TBX5: variants seen among roughly 807,000 people sequenced by gnomAD.
TBX5 encodes the protein T-box transcription factor 5.
Under a neutral mutation model 51.1 loss-of-function variants are expected in TBX5, and 8 were observed. The ratio of observed to expected loss-of-function variants is 0.16; its 90% CI spans 0.09 to 0.28. The LOEUF (loss-of-function observed/expected upper bound fraction) is 0.28. Ranked by LOEUF, TBX5 falls within the 10% of genes least tolerant of loss-of-function variation. TBX5 has a pLI of 1.00. For synonymous variants in TBX5, 302 were observed against 266.4 expected, an observed-to-expected ratio of 1.13 and a Z score of -1.30; for missense variants, 589 against 671.7, an observed-to-expected ratio of 0.88 and a Z score of 1.36.
chr12:114,407,111 G>A, upstream of TBX5: 1 of 985,396 alleles, frequency 1.0e-6, no homozygotes, highest in Non-Finnish European at 1.2e-6. Flanking sequence ...GTCAGCAGCT[G>A]TGTAACCCTC....
chr12:114,378,390 G>C (rs1565932303), intron 7 of TBX5, among the ~76,000 whole-genome samples: 1 of 152,166 alleles, frequency 6.6e-6, no homozygotes, highest in Non-Finnish European at 1.5e-5. Context: ...CAGCCAGGCA[G>C]GCCCCTTCAT....
intron 7 of TBX5, among the ~76,000 whole-genome samples, chr12:114,384,926 C>T (rs1019703718): frequency 3.3e-5 from 5 of 152,076 alleles, no homozygotes; most frequent in African/African-American, 4.8e-5. Flanking sequence ...TGCTACAGCC[C>T]GTTCTATTCA....
chr12:114,402,844 A>C (rs1042844995), intron 2 of TBX5, among the ~76,000 whole-genome samples: 1 of 152,108 alleles, frequency 6.6e-6, no homozygotes. Flanking sequence ...AGTTTCCTAA[A>C]CTGTGTTCAC....
In TBX5 at chr12:114,355,777, G is replaced by A. The variant is rs761170474; in HGVS notation, c.1312C>T (p.Arg438Trp). The change falls in exon 9 of 9, where the codon CGG becomes TGG. Residue 438 changes from arginine (R) to tryptophan (W), a missense_variant. Transcript: ENST00000405440. ...CCATGGTTGGCCATGCCAGCCAGCC[G>A]AGGGACCAGGGGCCCCGAGGTGAAG... is the stretch of plus-strand genomic sequence containing the variant. ...AHFTSGPLVP[R>W]LAGMANHGSP... The A allele has an allele frequency of 6.2e-6, 10 of 1,613,974 alleles. No homozygotes were observed. The highest frequency in any genetic ancestry group is 2.7e-5 in the African/African-American group (2 of 74,930).
intron 8 of TBX5, among the ~76,000 whole-genome samples, chr12:114,358,777 TTTTGTTTGTTTG>T (rs34419380): frequency 4.6e-5 from 7 of 150,582 alleles, no homozygotes; most frequent in African/African-American, 7.4e-5. Flanking sequence ...GCGGGGTTTT[TTTTGTTTGTTTG>T]TTTGTTTGTT....
At chr12:114,365,447 AG>A (rs1869466046) in intron 8 of TBX5, among the ~76,000 whole-genome samples, 1 of 152,174 alleles carries the variant, frequency 6.6e-6, no homozygotes, top group South Asian at 2.1e-4. Flanking sequence ...GTTCATAAAA[AG>A]ATACCCAAAA....
chr12:114,384,745 A>ACACGCACACACAAC (rs10629159), intron 7 of TBX5, among the ~76,000 whole-genome samples: 6 of 115,170 alleles, frequency 5.2e-5, no homozygotes, highest in African/African-American at 2.1e-4. Flanking sequence ...ACACACACAC[A>ACACGCACACACAAC]ACACACACAC....
At chr12:114,406,286 C>T (rs986668233), upstream of TBX5, among the ~76,000 whole-genome samples, 1 of 145,018 alleles carries the variant, frequency 6.9e-6, no homozygotes, top group Non-Finnish European at 1.5e-5. Flanking sequence ...CGACTCTCAA[C>T]ACAGACCTGC....
chr12:114,388,864 G>A (rs756865343), intron 6 of TBX5, among the ~76,000 whole-genome samples: 23 of 151,288 alleles, frequency 1.5e-4, no homozygotes, highest in Non-Finnish European at 2.8e-4. Flanking sequence ...GGATTAAGGT[G>A]TGAGCCACCA....
Position 114,394,803 on chromosome 12 carries a change from A to G in TBX5, c.601T>C (p.Phe201Leu). ...GTCTCAGGAAAGACGTGAGTGCAGA[A>G]CGCTGTATTTTTTGAGCCAAATCCA... ...NNGFGSKNTA[F>L]CTHVFPETAF... The change falls in exon 6 of 9, where the codon TTC becomes CTC. Residue 201 changes from phenylalanine to leucine, a missense_variant. Transcript: ENST00000405440. 2 of 1,614,170 alleles carry G rather than the reference A, an allele frequency of 1.2e-6. No individual in the cohort carries two copies. The highest frequency in any genetic ancestry group is 8.5e-7 in the Non-Finnish European group (1 of 1,180,040).
At position 114,354,872 on chromosome 12, in the gene TBX5, G is replaced by A. The variant is rs1593834883; in HGVS notation, c.*660C>T. On this transcript the variant is annotated 3_prime_UTR_variant, in exon 9 of 9. Coordinates refer to ENST00000405440, the MANE Select transcript of TBX5 (RefSeq NM_181486.4). ...AGGCAAAACTGAGCACGTGATATTGGAGAAGGCAGGACAAAACCAAAGCAA... is the reference window on the plus strand; with the variant it reads ...AGGCAAAACTGAGCACGTGATATTGAAGAAGGCAGGACAAAACCAAAGCAA... The A allele has an allele frequency of 6.4e-6, 1 of 156,984 alleles. No homozygotes were observed. The highest frequency in any genetic ancestry group is 1.4e-5 in the Non-Finnish European group (1 of 71,086). 9.7% of individuals were successfully genotyped at this position (156,984 alleles called of 1,614,324 possible).
chr12:114,407,476 G>A (rs1565944939), upstream of TBX5, among the ~76,000 whole-genome samples: 1 of 152,158 alleles, frequency 6.6e-6, no homozygotes, highest in Admixed American at 6.5e-5. Flanking sequence ...ATCCCTTTAA[G>A]TTCTCAGAGA....
In TBX5 at chr12:114,404,094, C is replaced by A; in HGVS notation, c.-38-158G>T. 5.9e-6 allele frequency: 4 copies of A among 680,698 alleles called. No homozygotes were observed. In the South Asian group the frequency reaches 7.3e-5, roughly 12 times the overall value. The allele number at this position is 680,698 out of a possible 1,614,324, so 42.2% of individuals were successfully genotyped here. On this transcript the variant is annotated intron_variant, in intron 1 of 8. Coordinates refer to ENST00000405440, the MANE Select transcript of TBX5 (RefSeq NM_181486.4). Reference sequence around the variant, plus strand: ...CCCAGCCGAAGGTGACTGCAGAAGGCCCTAGAATTATTACTGTTACTAGTA... The same window carrying A: ...CCCAGCCGAAGGTGACTGCAGAAGGACCTAGAATTATTACTGTTACTAGTA...
At chr12:114,392,957 G>T (rs11067098) in intron 6 of TBX5, among the ~76,000 whole-genome samples, 62 of 152,234 alleles carry the variant, frequency 4.1e-4, no homozygotes, top group African/African-American at 1.5e-3. Flanking sequence ...TTTTCTTTCC[G>T]AGGGCAGGAA....
chr12:114,374,710 G>C (rs1266338313), intron 7 of TBX5, among the ~76,000 whole-genome samples: 1 of 152,198 alleles, frequency 6.6e-6, no homozygotes, highest in Non-Finnish European at 1.5e-5. Flanking sequence ...GTGCCAAACA[G>C]TGAGAGGTGT....
chr12:114,403,735 G>A lies in TBX5; in HGVS notation c.147+17C>T, dbSNP rs778575580. On this transcript the variant is annotated intron_variant, in intron 2 of 8. Coordinates refer to ENST00000405440, the MANE Select transcript of TBX5 (RefSeq NM_181486.4). ...TTTGATCTCTGCAAAGGGACCCGAA[G>A]CGCGAGGTCTCCTTACCTGCTGGGT... 3.7e-6 allele frequency: 6 copies of A among 1,612,056 alleles called. No homozygotes were observed. Among genetic ancestry groups the A allele is most frequent in the Admixed American group, 3.3e-5 (2 of 60,014 alleles).
At chr12:114,389,438 G>A (rs563613518) in intron 6 of TBX5, among the ~76,000 whole-genome samples, 4 of 151,976 alleles carry the variant, frequency 2.6e-5, no homozygotes, top group Admixed American at 1.3e-4. Flanking sequence ...CTTGCAAAAA[G>A]TTAAGGAGAA....
At chr12:114,407,181 A>C, upstream of TBX5, 2 of 900,960 alleles carry the variant, frequency 2.2e-6, no homozygotes, top group Non-Finnish European at 2.7e-6. Flanking sequence ...AAAGTGGAGA[A>C]TCTCCAACCC....
Position 114,384,714 on chromosome 12 carries a change from A to AACAC in TBX5, c.755+758_755+761dup, listed in dbSNP as rs1555225276. On this transcript the variant is annotated intron_variant, in intron 7 of 8. Transcript: ENST00000405440. ...AAACCCACCAAACAGAAAAAAAGAA[A>AACAC]ACACACACACACACACACACACACA... 3.6e-3 allele frequency among the ~76,000 whole-genome samples: 523 copies of AACAC among 143,942 alleles called. 1 individual carries two copies. The highest frequency in any genetic ancestry group is 6.7e-3 in the South Asian group (29 of 4,314). 94.4% of individuals were successfully genotyped at this position (143,942 alleles called of 152,430 possible).
Sources: allele counts gnomAD v4.1 joint callset (sites outside exome capture counted in the v4.1 genomes callset), GRCh38; gene constraint gnomAD v4.1.1; transcripts MANE v1.5; gene names NCBI Gene and HGNC (gene_info 2026-07-23, HGNC 2026-07-21).